The following LHFPL3 variants were observed in gnomAD, a reference collection of about 807,000 sequenced individuals.
LHFPL3 encodes LHFPL tetraspan subfamily member 3.
LHFPL3 carries 5 observed loss-of-function variants against 19.3 expected under a neutral mutation model. The ratio of observed to expected loss-of-function variants is 0.26; its 90% CI spans 0.14 to 0.54. LHFPL3 has a LOEUF of 0.54. Among genes scored for constraint, LHFPL3 ranks in the 20% least tolerant of loss-of-function variants. The pLI is 0.94. For missense variants in LHFPL3, 249 were observed against 307.4 expected (o/e 0.81, Z 1.42); for synonymous variants, 133 against 126.2 (o/e 1.05, Z -0.36).
chr7:104,355,112 T>G (rs1261841791), intron 1 of LHFPL3, among the ~76,000 whole-genome samples: 4 of 152,184 alleles, frequency 2.6e-5, no homozygotes, highest in African/African-American at 9.6e-5. Flanking sequence ...ATTAGAAAGC[T>G]CTTCCTGTAT....
At chr7:104,414,597 A>C (rs1371256009) in intron 1 of LHFPL3, among the ~76,000 whole-genome samples, 1 of 152,212 alleles carries the variant, frequency 6.6e-6, no homozygotes, top group Non-Finnish European at 1.5e-5. Flanking sequence ...AGACAGAAAA[A>C]AATTGTAAAT....
intron 2 of LHFPL3, among the ~76,000 whole-genome samples, chr7:104,791,958 C>A (rs1284298525): frequency 6.6e-6 from 1 of 151,908 alleles, no homozygotes; most frequent in Non-Finnish European, 1.5e-5. Context: ...TGAGAGTTTG[C>A]CTGAAGGAGC....
rs560531762 is a variant in LHFPL3 at position 104,416,477 on chromosome 7, G to A, written c.445+87253G>A. ...CCACTCCCATGGAGACAAACCTTCCGTGGCCCTACTTTCTAAATCACCAAC... is the reference window on the plus strand; with the variant it reads ...CCACTCCCATGGAGACAAACCTTCCATGGCCCTACTTTCTAAATCACCAAC... On this transcript the variant is annotated intron_variant, in intron 1 of 2. Transcript: ENST00000424859. Among the ~76,000 whole-genome samples, 4 of 152,260 alleles carry A rather than the reference G, an allele frequency of 2.6e-5. No homozygotes were observed. In the South Asian group the frequency reaches 6.2e-4, roughly 24 times the overall value.
Position 104,333,322 on chromosome 7 carries a change from C to T in LHFPL3, c.445+4098C>T, listed in dbSNP as rs55863106. On this transcript the variant is annotated intron_variant, in intron 1 of 2. Transcript: ENST00000424859. The stretch of plus-strand genomic sequence containing the variant: ...GTGGAACTTAAGGTTTTGTAGACAT[C>T]GGTCATGCATTTCTTGGTCAAAGGC... 8.1e-3 allele frequency among the ~76,000 whole-genome samples: 1,232 copies of T among 152,236 alleles called. 17 individuals carry two copies. The highest frequency in any genetic ancestry group is 0.028 in the African/African-American group (1,165 of 41,542).
At chr7:104,521,626 T>C (rs1325179777) in intron 1 of LHFPL3, among the ~76,000 whole-genome samples, 9 of 152,080 alleles carry the variant, frequency 5.9e-5, no homozygotes, top group East Asian at 5.8e-4. Flanking sequence ...AGAAAATTTT[T>C]GCAACCTACT....
In LHFPL3 at chr7:104,668,455, G is replaced by A. The variant is rs1554422364; in HGVS notation, c.446-68220G>A. ...TATGATTCAGACCGGTATCGGGATG[G>A]GTATCGGGATGGCCCACGCCGGGAT... On this transcript the variant is annotated intron_variant, in intron 1 of 2. Transcript: ENST00000424859. 194 of 1,611,246 alleles carry A rather than the reference G, an allele frequency of 1.2e-4. 2 individuals are homozygous for A. In the South Asian group the frequency reaches 2.0e-3, roughly 17 times the overall value.
intron 1 of LHFPL3, among the ~76,000 whole-genome samples, chr7:104,650,176 T>C (rs1350840757): frequency 6.6e-5 from 10 of 152,184 alleles, no homozygotes; most frequent in East Asian, 3.9e-4. Flanking sequence ...GATGCCAAGA[T>C]TGGATGCCAC....
chr7:104,850,197 GA>G (rs1177467217), intron 2 of LHFPL3, among the ~76,000 whole-genome samples: 1 of 152,206 alleles, frequency 6.6e-6, no homozygotes, highest in Non-Finnish European at 1.5e-5. Flanking sequence ...AGCTACTCAG[GA>G]GGCTGAGGCA....
intron 1 of LHFPL3, among the ~76,000 whole-genome samples, chr7:104,596,825 G>A (rs746745464): frequency 4.6e-5 from 7 of 152,112 alleles, no homozygotes; most frequent in African/African-American, 7.2e-5. Context: ...TCATTGCAGC[G>A]ACTAATGAGT....
At chr7:104,691,017 G>T (rs765916333) in intron 1 of LHFPL3, among the ~76,000 whole-genome samples, 35 of 152,196 alleles carry the variant, frequency 2.3e-4, no homozygotes, top group Non-Finnish European at 4.1e-4. Context: ...TTGGAGCAAG[G>T]TTCTACCATC....
intron 2 of LHFPL3, among the ~76,000 whole-genome samples, chr7:104,775,268 C>T (rs934473057): frequency 3.9e-5 from 6 of 151,976 alleles, no homozygotes; most frequent in African/African-American, 1.5e-4. Context: ...TTGTGGCAGG[C>T]GCCTGTAATT....
chr7:104,514,184 C>T (rs1010438130), intron 1 of LHFPL3, among the ~76,000 whole-genome samples: 1 of 151,388 alleles, frequency 6.6e-6, no homozygotes, highest in African/African-American at 2.4e-5. Flanking sequence ...ATTCAAGAAG[C>T]TCTCTCTCTC....
At position 104,847,897 on chromosome 7, in the gene LHFPL3, G is replaced by A. The variant is rs6957567; in HGVS notation, c.683-58290G>A. Among the ~76,000 whole-genome samples the A allele has an allele frequency of 9.3e-3, 1,419 of 152,266 alleles. 18 individuals carry two copies. The highest frequency in any genetic ancestry group is 0.033 in the African/African-American group (1,354 of 41,548). ...GGGTTTTCAGATATCAAGTTTAGCCGAATACACAACTTTTTCCAAAATAAC... is the reference window on the plus strand; with the variant it reads ...GGGTTTTCAGATATCAAGTTTAGCCAAATACACAACTTTTTCCAAAATAAC... On this transcript the variant is annotated intron_variant, in intron 2 of 2. Coordinates refer to ENST00000424859, the MANE Select transcript of LHFPL3 (RefSeq NM_199000.3).
rs951822975 is a variant in LHFPL3, at chr7:104,780,001, T to A, written c.682+43090T>A. Among the ~76,000 whole-genome samples, 3 of 152,190 alleles carry A rather than the reference T, an allele frequency of 2.0e-5. No homozygotes were observed. In the East Asian group the frequency reaches 5.8e-4, roughly 29 times the overall value. On this transcript the variant is annotated intron_variant, in intron 2 of 2. Coordinates refer to ENST00000424859, the MANE Select transcript of LHFPL3 (RefSeq NM_199000.3). The stretch of plus-strand genomic sequence containing the variant: ...AGGAAGTTTGAATTTTACAAGTATG[T>A]GACCAGAGAGACAATCATTTACAAA...
intron 1 of LHFPL3, among the ~76,000 whole-genome samples, chr7:104,332,542 T>C (rs994301367): frequency 1.4e-4 from 22 of 152,304 alleles, no homozygotes; most frequent in Admixed American, 2.6e-4. Flanking sequence ...AAATCCTATT[T>C]CAAGTGATAC....
intron 1 of LHFPL3, among the ~76,000 whole-genome samples, chr7:104,685,246 C>T (rs1351585800): frequency 6.6e-6 from 1 of 152,150 alleles, no homozygotes; most frequent in Non-Finnish European, 1.5e-5. Flanking sequence ...ACTCAGGAGG[C>T]TGAAGCAGGA....
At chr7:104,750,086 A>C (rs1794133555) in intron 2 of LHFPL3, among the ~76,000 whole-genome samples, 1 of 152,228 alleles carries the variant, frequency 6.6e-6, no homozygotes, top group Non-Finnish European at 1.5e-5. Context: ...AGAGGAATTG[A>C]AGTAATCATT....
chr7:104,812,891 G>C (rs955763610), intron 2 of LHFPL3, among the ~76,000 whole-genome samples: 1 of 147,656 alleles, frequency 6.8e-6, no homozygotes. Context: ...AGGTGGGCAG[G>C]TCACAAGGTA....
At chr7:104,532,592 T>C (rs1794322429) in intron 1 of LHFPL3, among the ~76,000 whole-genome samples, 1 of 152,158 alleles carries the variant, frequency 6.6e-6, no homozygotes. Context: ...TCCTTCTCTC[T>C]CTCCATGTTT....
Sources: allele counts gnomAD v4.1 joint callset (sites outside exome capture counted in the v4.1 genomes callset), GRCh38; gene constraint gnomAD v4.1.1; transcripts MANE v1.5; gene names NCBI Gene and HGNC (gene_info 2026-07-23, HGNC 2026-07-21).